PTPRM: variants seen among roughly 807,000 people sequenced by gnomAD.
PTPRM encodes the protein receptor-type tyrosine-protein phosphatase mu.
PTPRM carries 47 observed loss-of-function variants against 186.7 expected under a neutral mutation model. The observed-to-expected ratio is 0.25, with a 90% CI of 0.20 to 0.32. The LOEUF (loss-of-function observed/expected upper bound fraction) is 0.32. Among genes scored for constraint, PTPRM ranks in the 10% least tolerant of loss-of-function variants. The pLI is 1.00. For synonymous variants in PTPRM, 668 were observed against 674.9 expected (o/e 0.99, Z 0.16); for missense variants, 1,494 against 1,865.0 (o/e 0.80, Z 3.66).
intron 11 of PTPRM, among the ~76,000 whole-genome samples, chr18:8,089,177 A>G (rs970242054): frequency 1.3e-5 from 2 of 152,032 alleles, no homozygotes; most frequent in African/African-American, 4.8e-5. Context: ...GGCAGATGAC[A>G]TTTTTGTTCT....
chr18:7,950,829 C>T (rs1283380625), intron 6 of PTPRM, among the ~76,000 whole-genome samples: 1 of 152,138 alleles, frequency 6.6e-6, no homozygotes. Flanking sequence ...CTATTGTCTC[C>T]TCCCTGTCTG....
At chr18:7,648,349 A>G (rs1032528206) in intron 1 of PTPRM, among the ~76,000 whole-genome samples, 30 of 152,156 alleles carry the variant, frequency 2.0e-4, no homozygotes, top group African/African-American at 7.2e-4. Context: ...AGGACAATTA[A>G]TAACCCCACA....
At chr18:8,142,040 A>G (rs1360066244) in intron 13 of PTPRM, among the ~76,000 whole-genome samples, 2 of 152,210 alleles carry the variant, frequency 1.3e-5, no homozygotes, top group Non-Finnish European at 2.9e-5. Flanking sequence ...TTCCAATAGA[A>G]TATTGGAGTG....
At chr18:7,616,892 C>G (rs1436164210) in intron 1 of PTPRM, among the ~76,000 whole-genome samples, 2 of 152,122 alleles carry the variant, frequency 1.3e-5, no homozygotes, top group Non-Finnish European at 2.9e-5. Context: ...GGCCAGCGCC[C>G]AGGATGTGCT....
At chr18:7,887,687 G>A (rs775079165) in intron 2 of PTPRM, among the ~76,000 whole-genome samples, 3 of 152,200 alleles carry the variant, frequency 2.0e-5, no homozygotes, top group Non-Finnish European at 2.9e-5. Context: ...GTGCTGCCCA[G>A]TGTGGTAGCT....
chr18:7,640,194 G>A (rs2038412845), intron 1 of PTPRM, among the ~76,000 whole-genome samples: 2 of 152,114 alleles, frequency 1.3e-5, no homozygotes, highest in African/African-American at 2.4e-5. Context: ...TTATGCTGAT[G>A]ATTAGCCTGT....
At chr18:8,236,481 G>T (rs956522868) in intron 14 of PTPRM, among the ~76,000 whole-genome samples, 1 of 152,016 alleles carries the variant, frequency 6.6e-6, no homozygotes, top group African/African-American at 2.4e-5. Flanking sequence ...TAAGTTTCTT[G>T]TAGATCATAT....
intron 1 of PTPRM, among the ~76,000 whole-genome samples, chr18:7,712,575 C>A (rs926141590): frequency 2.0e-5 from 3 of 151,860 alleles, no homozygotes; most frequent in Non-Finnish European, 2.9e-5. Flanking sequence ...CTCCTGCGAA[C>A]TAAAGGATCA....
chr18:7,680,808 G>T (rs971856841), intron 1 of PTPRM, among the ~76,000 whole-genome samples: 1 of 152,200 alleles, frequency 6.6e-6, no homozygotes, highest in Non-Finnish European at 1.5e-5. Flanking sequence ...AATCTGCATA[G>T]GCCATGCCCA....
intron 19 of PTPRM, among the ~76,000 whole-genome samples, chr18:8,289,601 T>TAC (rs1391866370): frequency 1.0e-5 from 1 of 97,456 alleles, no homozygotes; most frequent in South Asian, 3.5e-4. Flanking sequence ...CATATATATA[T>TAC]ACACACATAT....
chr18:8,048,181 T>C (rs989862255), intron 7 of PTPRM, among the ~76,000 whole-genome samples: 2 of 152,090 alleles, frequency 1.3e-5, no homozygotes, highest in African/African-American at 4.8e-5. Flanking sequence ...ACACAAAAAC[T>C]ATGTTTAGGG....
At chr18:8,329,481 C>A (rs1206261574) in intron 22 of PTPRM, among the ~76,000 whole-genome samples, 1 of 152,186 alleles carries the variant, frequency 6.6e-6, no homozygotes, top group African/African-American at 2.4e-5. Context: ...TGTGAGGTTA[C>A]ATCTTTCTCT....
intron 13 of PTPRM, among the ~76,000 whole-genome samples, chr18:8,125,892 T>C (rs1388129936): frequency 6.7e-6 from 1 of 149,416 alleles, no homozygotes; most frequent in Non-Finnish European, 1.5e-5. Flanking sequence ...TATCTAGGCT[T>C]TTTAAATTAA....
chr18:7,604,627 G>C (rs1404338257), intron 1 of PTPRM, among the ~76,000 whole-genome samples: 1 of 152,236 alleles, frequency 6.6e-6, no homozygotes, highest in Admixed American at 6.5e-5. Flanking sequence ...CGTGTACTCA[G>C]AAGGAGGATG....
At chr18:8,014,292 T>G (rs1458195189) in intron 7 of PTPRM, among the ~76,000 whole-genome samples, 1 of 152,164 alleles carries the variant, frequency 6.6e-6, no homozygotes, top group African/African-American at 2.4e-5. Context: ...TTTAAGCAAA[T>G]TATTTGGTTT....
chr18:7,880,801 GTAT>G (rs1211070520), intron 2 of PTPRM, among the ~76,000 whole-genome samples: 3 of 152,134 alleles, frequency 2.0e-5, no homozygotes, highest in Non-Finnish European at 4.4e-5. Flanking sequence ...GTGTAACCTG[GTAT>G]TATGATAATC....
At chr18:8,019,549 T>C (rs1313700438) in intron 7 of PTPRM, among the ~76,000 whole-genome samples, 1 of 151,970 alleles carries the variant, frequency 6.6e-6, no homozygotes, top group Non-Finnish European at 1.5e-5. Flanking sequence ...TATGCAGCAG[T>C]GGAAAAGAAA....
In PTPRM at chr18:8,265,326, G is replaced by A. The variant is rs1021762060; in HGVS notation, c.2754+11912G>A. Among the ~76,000 whole-genome samples, 10 of 152,248 alleles carry A rather than the reference G, an allele frequency of 6.6e-5. No homozygotes were observed. In the East Asian group the frequency reaches 7.7e-4, roughly 12 times the overall value. ...CAGGAAAATCATTCTGAAGATATCC[G>A]CCATCCTGGCTCATCTGACATGACC... On this transcript the variant is annotated intron_variant, in intron 19 of 32. Coordinates refer to ENST00000580170, the MANE Select transcript of PTPRM (RefSeq NM_001105244.2).
intron 7 of PTPRM, among the ~76,000 whole-genome samples, chr18:7,978,045 G>A (rs185122717): frequency 4.1e-4 from 62 of 152,348 alleles, no homozygotes; most frequent in African/African-American, 1.3e-3. Context: ...TTACAGAAGT[G>A]CCTGGCAAGG....
Sources: allele counts gnomAD v4.1 joint callset (sites outside exome capture counted in the v4.1 genomes callset), GRCh38; gene constraint gnomAD v4.1.1; transcripts MANE v1.5; gene names NCBI Gene and HGNC (gene_info 2026-07-23, HGNC 2026-07-21).